UBQLN4: variants seen among roughly 807,000 people sequenced by gnomAD.
UBQLN4 encodes ubiquilin 4.
UBQLN4 carries 11 observed loss-of-function variants against 60.4 expected under a neutral mutation model. That is an observed-to-expected ratio of 0.18 (90% confidence interval 0.11 to 0.30). The LOEUF (loss-of-function observed/expected upper bound fraction) is 0.30. Among genes scored for constraint, UBQLN4 ranks in the 10% least tolerant of loss-of-function variants. The probability of loss-of-function intolerance (pLI) is 1.00; values close to 1 mark genes in which losing one functional copy is unlikely to be tolerated. For missense variants in UBQLN4, 417 were observed against 795.5 expected, an observed-to-expected ratio of 0.52 and a Z score of 5.72; for synonymous variants, 258 against 313.1, an observed-to-expected ratio of 0.82 and a Z score of 1.86.
intron 5 of UBQLN4, among the ~76,000 whole-genome samples, chr1:156,045,739 C>T (rs557974419): frequency 3.3e-5 from 5 of 152,272 alleles, no homozygotes; most frequent in South Asian, 2.1e-4. Context: ...AGCTAGACAT[C>T]AAAGAGAACT....
At chr1:156,052,615 C>T (rs918623815) in intron 1 of UBQLN4, among the ~76,000 whole-genome samples, 6 of 152,170 alleles carry the variant, frequency 3.9e-5, no homozygotes, top group African/African-American at 7.2e-5. Flanking sequence ...TGAGCCACCA[C>T]GCCCAGCCGT....
intron 5 of UBQLN4, among the ~76,000 whole-genome samples, chr1:156,045,208 C>A (rs1411393706): frequency 3.9e-5 from 6 of 152,152 alleles, no homozygotes; most frequent in Non-Finnish European, 8.8e-5. Flanking sequence ...TTTTCCTGTT[C>A]ATTGAAAGTG....
Position 156,042,914 on chromosome 1 carries a change from C to T in UBQLN4, c.1127-1G>A. 6.2e-7 allele frequency: 1 copy of T among 1,613,732 alleles called. No individual in the cohort carries two copies. Among genetic ancestry groups the T allele is most frequent in the South Asian group, 1.1e-5 (1 of 91,050 alleles). ...TGCATTTCTGGGCTATTGAACATCC[C>T]TAGGACAAGGCGGAAAAAAAGAAAA... is the stretch of plus-strand genomic sequence containing the variant. On this transcript the variant is annotated splice_acceptor_variant, in intron 6 of 10. Transcript: ENST00000368309. LOFTEE classifies it high-confidence loss of function.
rs35171853 is a variant in UBQLN4, at chr1:156,036,840, C to A, written c.*138G>T. 4.0e-6 allele frequency: 6 copies of A among 1,516,486 alleles called. No individual in the cohort carries two copies. The South Asian group carries it at 5.4e-5, about 14-fold the overall frequency. 93.9% of individuals were successfully genotyped at this position (1,516,486 alleles called of 1,614,324 possible). Reference sequence around the variant, plus strand: ...CAGAGCTAAGGGGTTGGAGCCCATGCCTCTAAAGTCACCCTGCTGTTTGGA... The same window carrying A: ...CAGAGCTAAGGGGTTGGAGCCCATGACTCTAAAGTCACCCTGCTGTTTGGA... On this transcript the variant is annotated 3_prime_UTR_variant, in exon 11 of 11. Coordinates refer to ENST00000368309, the MANE Select transcript of UBQLN4 (RefSeq NM_020131.5).
At position 156,051,736 on chromosome 1, in the gene UBQLN4, G is replaced by A; in HGVS notation, c.230C>T (p.Thr77Ile). ...LNQHGIKDGL[T>I]VHLVIKTPQK... is the part of the protein sequence containing the mutation. Reference sequence around the variant, plus strand: ...AGGGGTCTTGATGACCAGATGGACAGTGAGCCCGTCCTTGATTCCGTGCTG... The same window carrying A: ...AGGGGTCTTGATGACCAGATGGACAATGAGCCCGTCCTTGATTCCGTGCTG... Residue 77 changes from threonine (T) to isoleucine (I), a missense_variant, in exon 2 of 11, where the codon ACT becomes ATT. Thr to Ile is a moderately conservative substitution (Grantham distance 89, BLOSUM62 -1). Transcript: ENST00000368309. The A allele has an allele frequency of 6.2e-7, 1 of 1,613,980 alleles. No individual in the cohort carries two copies. The highest frequency in any genetic ancestry group is 1.1e-5 in the South Asian group (1 of 91,068).
rs1477273781 is a variant in UBQLN4 at position 156,036,240 on chromosome 1, C to A, written c.*738G>T. ...CCCACTGTTAATTCCAACTTCCAAG[C>A]CTTTTACTCAGGCTGTCTCCCCCAT... On this transcript the variant is annotated 3_prime_UTR_variant, in exon 11 of 11. Coordinates refer to ENST00000368309, the MANE Select transcript of UBQLN4 (RefSeq NM_020131.5). 8 of 985,498 alleles carry A rather than the reference C, an allele frequency of 8.1e-6. No homozygotes were observed. In the East Asian group the frequency reaches 4.5e-4, roughly 55 times the overall value. The allele number at this position is 985,498 out of a possible 1,614,324, so 61.0% of individuals were successfully genotyped here.
Position 156,036,789 on chromosome 1 carries a change from G to A in UBQLN4, c.*189C>T, listed in dbSNP as rs946349945. ...CAGGAGAGAAGAGTCTGTTAGAGAC[G>A]TAGCAGTAAAACCATAATTCTCAGA... On this transcript the variant is annotated 3_prime_UTR_variant, in exon 11 of 11. Coordinates refer to ENST00000368309, the MANE Select transcript of UBQLN4 (RefSeq NM_020131.5). 20 of 1,458,788 alleles carry A rather than the reference G, an allele frequency of 1.4e-5. No homozygotes were observed. In the African/African-American group the frequency reaches 2.1e-4, roughly 15 times the overall value. 90.4% of individuals were successfully genotyped at this position (1,458,788 alleles called of 1,614,324 possible). A position where few individuals can be genotyped will look rare whatever the true frequency, so the allele number is the denominator to read the frequency against.
At position 156,051,147 on chromosome 1, in the gene UBQLN4, A is replaced by G; in HGVS notation, c.441T>C (p.Ala147=). ...CAGTAGCACTGGGGGATCCCTCCCC[A>G]GCCCCCGGAGAGGGCCCCCCACCAC... ...RSSGGGPSPG[A]GEGSPSATAS... The change falls in exon 3 of 11, where the codon GCT becomes GCC. Residue 147 remains alanine (A), a synonymous_variant. Transcript: ENST00000368309. 3.1e-6 allele frequency: 5 copies of G among 1,612,702 alleles called. No individual in the cohort carries two copies. Among genetic ancestry groups the G allele is most frequent in the Non-Finnish European group, 3.4e-6 (4 of 1,179,316 alleles).
At chr1:156,041,393 G>T in intron 10 of UBQLN4, 92 bp downstream of exon 10, 1 of 1,373,916 alleles carries the variant, frequency 7.3e-7, no homozygotes, top group Non-Finnish European at 9.7e-7. Flanking sequence ...TGACTCCCAA[G>T]CTTGCCCTAC....
At chr1:156,044,313 C>A in intron 5 of UBQLN4, 90 bp from the exon 6 acceptor site, 1 of 1,188,496 alleles carries the variant, frequency 8.4e-7, no homozygotes, top group South Asian at 1.4e-5. Flanking sequence ...AATAGCCTCC[C>A]CTTCCCCAGA....
intron 10 of UBQLN4, among the ~76,000 whole-genome samples, chr1:156,039,231 C>T (rs550448485): frequency 6.7e-5 from 10 of 150,206 alleles, no homozygotes; most frequent in African/African-American, 2.4e-4. Context: ...GCATGAGCCA[C>T]ACTCCTGGCC....
downstream of UBQLN4, among the ~76,000 whole-genome samples, chr1:156,032,733 C>A (rs1683317158): frequency 6.6e-6 from 1 of 152,122 alleles, no homozygotes; most frequent in Admixed American, 6.6e-5. Flanking sequence ...TGCGGCACTT[C>A]GCCTCTCCGC....
intron 5 of UBQLN4, among the ~76,000 whole-genome samples, chr1:156,047,171 C>A (rs1683723749): frequency 6.6e-6 from 1 of 152,062 alleles, no homozygotes; most frequent in Admixed American, 6.6e-5. Flanking sequence ...CTTCTGTAAA[C>A]CTTTTTTTAG....
intron 5 of UBQLN4, among the ~76,000 whole-genome samples, chr1:156,045,851 A>G (rs1558088404): frequency 6.8e-6 from 1 of 148,096 alleles, no homozygotes; most frequent in East Asian, 2.0e-4. Context: ...ACTTGTAATA[A>G]TTTTTTTTTT....
downstream of UBQLN4, among the ~76,000 whole-genome samples, chr1:156,034,347 A>T (rs1187870572): frequency 2.9e-5 from 4 of 137,258 alleles, no homozygotes; most frequent in African/African-American, 1.1e-4. Context: ...CCCCCAGGCT[A>T]GAGTGCGTGG....
chr1:156,032,071 T>C (rs1211396957), downstream of UBQLN4, among the ~76,000 whole-genome samples: 1 of 151,788 alleles, frequency 6.6e-6, no homozygotes, highest in Non-Finnish European at 1.5e-5. Context: ...AAATGAGTTT[T>C]TTTTTTGAGC....
chr1:156,051,430 AC>A, intron 2 of UBQLN4, 103 bp from the exon 3 acceptor site: 3 of 1,413,454 alleles, frequency 2.1e-6, no homozygotes, highest in Non-Finnish European at 2.9e-6. Flanking sequence ...TTAACCCAAG[AC>A]CCCTCCTGAG....
At chr1:156,032,361 T>G (rs1220524516), downstream of UBQLN4, among the ~76,000 whole-genome samples, 2 of 147,856 alleles carry the variant, frequency 1.4e-5, no homozygotes, top group Non-Finnish European at 3.0e-5. Context: ...AGAATGAGCA[T>G]TTGGCCGGGC....
downstream of UBQLN4, among the ~76,000 whole-genome samples, chr1:156,032,826 GGAA>G (rs1276250735): frequency 6.6e-6 from 1 of 152,160 alleles, no homozygotes; most frequent in East Asian, 1.9e-4. Context: ...ATTCCCCCAA[GGAA>G]GAAGATCCCA....
Sources: gnomAD v4.1 joint callset for allele counts (sites outside exome capture counted in the v4.1 genomes callset) on GRCh38, gnomAD v4.1.1 for gene constraint, MANE v1.5 for transcripts, NCBI Gene and HGNC (gene_info 2026-07-23, HGNC 2026-07-21) for gene names.